Variants in CNTNAP2 observed in about 807,000 individuals in gnomAD.
CNTNAP2 encodes the protein contactin-associated protein-like 2.
A neutral mutation model predicts 155.2 loss-of-function variants in CNTNAP2; 98 were observed. The ratio of observed to expected loss-of-function variants is 0.63; its 90% CI spans 0.54 to 0.75. CNTNAP2 has a LOEUF of 0.75. CNTNAP2 is among the 30% of genes least tolerant of loss of function. The pLI, the probability that CNTNAP2 is intolerant of heterozygous loss-of-function variation, is 0.00. For synonymous variants in CNTNAP2, 651 were observed against 631.2 expected, an observed-to-expected ratio of 1.03 and a Z score of -0.47; for missense variants, 1,727 against 1,688.1, an observed-to-expected ratio of 1.02 and a Z score of -0.40.
intron 3 of CNTNAP2, among the ~76,000 whole-genome samples, chr7:147,033,148 A>ATATATATACATATATATG (rs1491289487): frequency 2.1e-4 from 18 of 84,202 alleles, no homozygotes; most frequent in African/African-American, 8.9e-4. Context: ...ATATTGCTGC[A>ATATATATACATATATATG]TATATATATA....
chr7:147,753,481 T>C (rs960060405), intron 13 of CNTNAP2, among the ~76,000 whole-genome samples: 2 of 152,202 alleles, frequency 1.3e-5, no homozygotes, highest in African/African-American at 4.8e-5. Flanking sequence ...AACTCGATTA[T>C]GATGGATGCA....
intron 1 of CNTNAP2, among the ~76,000 whole-genome samples, chr7:146,449,439 G>T (rs1453655549): frequency 6.6e-6 from 1 of 152,052 alleles, no homozygotes; most frequent in Non-Finnish European, 1.5e-5. Flanking sequence ...AAAATCCAAG[G>T]AATTCACTGC....
intron 13 of CNTNAP2, among the ~76,000 whole-genome samples, chr7:147,842,602 T>A (rs1273161547): frequency 2.7e-5 from 3 of 112,450 alleles, no homozygotes; most frequent in South Asian, 3.4e-4. Context: ...TTTTTTTTTT[T>A]TTATTATACT....
At chr7:146,907,998 A>G (rs1796177893) in intron 3 of CNTNAP2, among the ~76,000 whole-genome samples, 1 of 152,158 alleles carries the variant, frequency 6.6e-6, no homozygotes, top group Admixed American at 6.5e-5. Context: ...AGGGGTTGCA[A>G]TCCTAGTCTC....
chr7:148,144,625 T>C (rs141539003), intron 16 of CNTNAP2, among the ~76,000 whole-genome samples: 1 of 152,372 alleles, frequency 6.6e-6, no homozygotes, highest in African/African-American at 2.4e-5. Flanking sequence ...TTCCCAGTTC[T>C]TGATACTCAT....
Position 146,558,458 on chromosome 7 carries a change from A to G in CNTNAP2, c.98-215813A>G, listed in dbSNP as rs536997631. 2.0e-5 allele frequency among the ~76,000 whole-genome samples: 3 copies of G among 152,274 alleles called. No individual in the cohort carries two copies. The East Asian group carries it at 5.8e-4, about 29-fold the overall frequency. On this transcript the variant is annotated intron_variant, in intron 1 of 23. Coordinates refer to ENST00000361727, the MANE Select transcript of CNTNAP2 (RefSeq NM_014141.6). ...TATGATTGACATATAAAAACTTTAC[A>G]TATTTAATGTATCCAACTCAACAAA...
At chr7:146,875,853 C>T (rs1211483292) in intron 3 of CNTNAP2, among the ~76,000 whole-genome samples, 1 of 141,280 alleles carries the variant, frequency 7.1e-6, no homozygotes, top group Non-Finnish European at 1.5e-5. Context: ...CAAGACCAGC[C>T]TAGACAACAT....
chr7:146,806,296 A>G (rs934909081), intron 2 of CNTNAP2, among the ~76,000 whole-genome samples: 3 of 151,684 alleles, frequency 2.0e-5, no homozygotes, highest in Admixed American at 2.0e-4. Flanking sequence ...TTCAAGACCA[A>G]CCTGATCAAC....
intron 1 of CNTNAP2, among the ~76,000 whole-genome samples, chr7:146,619,858 T>C (rs964494549): frequency 6.6e-6 from 1 of 152,222 alleles, no homozygotes; most frequent in African/African-American, 2.4e-5. Flanking sequence ...ATTCGAATAC[T>C]ATGTAGATGT....
chr7:147,287,592 C>G (rs966670840), intron 8 of CNTNAP2, among the ~76,000 whole-genome samples: 1 of 151,726 alleles, frequency 6.6e-6, no homozygotes, highest in African/African-American at 2.4e-5. Flanking sequence ...CCCCAGGTAA[C>G]TTCATCTTGC....
intron 12 of CNTNAP2, among the ~76,000 whole-genome samples, chr7:147,605,993 A>G (rs112073283): frequency 1.3e-3 from 201 of 151,962 alleles, no homozygotes; most frequent in Non-Finnish European, 2.6e-3. Context: ...TTCCCATAAT[A>G]GTGAGTAGCA....
At chr7:147,047,076 T>A (rs1161111951) in intron 4 of CNTNAP2, among the ~76,000 whole-genome samples, 5 of 148,512 alleles carry the variant, frequency 3.4e-5, no homozygotes, top group Admixed American at 1.3e-4. Flanking sequence ...TGAGTGTTTG[T>A]CATGTCTCAT....
intron 21 of CNTNAP2, among the ~76,000 whole-genome samples, chr7:148,297,749 T>C (rs934903743): frequency 2.6e-5 from 4 of 152,068 alleles, no homozygotes; most frequent in African/African-American, 4.8e-5. Flanking sequence ...TGAGAAGGGG[T>C]ATGTTGGATC....
chr7:146,124,255 A>T (rs1797604085), intron 1 of CNTNAP2, among the ~76,000 whole-genome samples: 1 of 152,212 alleles, frequency 6.6e-6, no homozygotes, highest in Non-Finnish European at 1.5e-5. Flanking sequence ...AATTTAAAAA[A>T]AAAAGTGCTT....
chr7:147,737,703 A>C (rs1209373543), intron 13 of CNTNAP2, among the ~76,000 whole-genome samples: 4 of 152,086 alleles, frequency 2.6e-5, no homozygotes, highest in Admixed American at 2.6e-4. Flanking sequence ...TTACCTACTC[A>C]AGCCTCAGCA....
chr7:146,453,543 A>C (rs1010637427), intron 1 of CNTNAP2, among the ~76,000 whole-genome samples: 4 of 152,234 alleles, frequency 2.6e-5, no homozygotes, highest in African/African-American at 9.6e-5. Context: ...AATGTTGCCA[A>C]GTATGAACTA....
chr7:148,382,715 T>C (rs1428228614), intron 21 of CNTNAP2, among the ~76,000 whole-genome samples: 2 of 152,202 alleles, frequency 1.3e-5, no homozygotes, highest in African/African-American at 4.8e-5. Flanking sequence ...ATGCGGCACT[T>C]GCTCAGAGCA....
chr7:146,660,393 A>C (rs1394516307), intron 1 of CNTNAP2, among the ~76,000 whole-genome samples: 1 of 152,226 alleles, frequency 6.6e-6, no homozygotes, highest in Non-Finnish European at 1.5e-5. Context: ...ACCTGAGTTC[A>C]AATCTTCACT....
chr7:148,256,174 G>A (rs1030254169), intron 20 of CNTNAP2, among the ~76,000 whole-genome samples: 16 of 152,232 alleles, frequency 1.1e-4, no homozygotes, highest in African/African-American at 3.9e-4. Context: ...TCCAGGGCAG[G>A]TGGACGCTTC....
Sources: gnomAD v4.1 joint callset for allele counts (sites outside exome capture counted in the v4.1 genomes callset) on GRCh38, gnomAD v4.1.1 for gene constraint, MANE v1.5 for transcripts, NCBI Gene and HGNC (gene_info 2026-07-23, HGNC 2026-07-21) for gene names.